PPP3CB: variants seen among roughly 807,000 people sequenced by gnomAD.
PPP3CB encodes the protein protein phosphatase 3 catalytic subunit beta.
PPP3CB carries 8 observed loss-of-function variants against 66.4 expected under a neutral mutation model. The ratio of observed to expected loss-of-function variants is 0.12; its 90% CI spans 0.07 to 0.22. PPP3CB has a LOEUF of 0.22. Among genes scored for constraint, PPP3CB ranks in the 10% least tolerant of loss-of-function variants. The pLI, the probability that PPP3CB is intolerant of heterozygous loss-of-function variation, is 1.00. For synonymous variants in PPP3CB, 208 were observed against 221.2 expected (o/e 0.94, Z 0.53); for missense variants, 319 against 642.5 (o/e 0.50, Z 5.44).
chr10:73,438,039 G>A lies in PPP3CB; in HGVS notation c.*203C>T. On this transcript the variant is annotated 3_prime_UTR_variant, in exon 14 of 14. Transcript: ENST00000360663. ...CCCTTGCTCACTGCTCTCCACCTTG[G>A]CAGCGATGACCCAATCTTATCAGAT... The A allele has an allele frequency of 2.1e-6, 1 of 483,214 alleles. No individual in the cohort carries two copies. The highest frequency in any genetic ancestry group is 4.6e-5 in the South Asian group (1 of 21,522). The allele number at this position is 483,214 out of a possible 1,614,324, so 29.9% of individuals were successfully genotyped here.
At chr10:73,471,286 C>T (rs2056698138) in intron 5 of PPP3CB, 77 bp from the exon 6 acceptor site, 1 of 1,434,002 alleles carries the variant, frequency 7.0e-7, no homozygotes, top group Admixed American at 2.1e-5. Flanking sequence ...AAAACGATAC[C>T]AACTTTGAAT....
chr10:73,452,522 C>T (rs1022647693), intron 10 of PPP3CB, among the ~76,000 whole-genome samples: 1 of 151,864 alleles, frequency 6.6e-6, no homozygotes, highest in Admixed American at 6.6e-5. Flanking sequence ...ATGGTGAAAC[C>T]CCATCTCTAC....
chr10:73,454,556 C>T (rs1428682589), intron 9 of PPP3CB, 67 bp from the exon 10 acceptor site: 14 of 1,013,538 alleles, frequency 1.4e-5, no homozygotes, highest in East Asian at 1.3e-4. Flanking sequence ...CACATAGCAA[C>T]TATTTTTACA....
intron 9 of PPP3CB, among the ~76,000 whole-genome samples, chr10:73,456,321 T>G (rs1207409775): frequency 6.6e-6 from 1 of 152,182 alleles, no homozygotes; most frequent in Non-Finnish European, 1.5e-5. Context: ...ATGGAAAACA[T>G]GCTGTAAGTG....
At chr10:73,451,742 CTT>C (rs765483729) in intron 10 of PPP3CB, among the ~76,000 whole-genome samples, 6 of 124,612 alleles carry the variant, frequency 4.8e-5, no homozygotes, top group Admixed American at 1.7e-4. Flanking sequence ...TCACTCATCT[CTT>C]TTTTTTTTTT....
At chr10:73,473,012 T>TA (rs933643954) in intron 4 of PPP3CB, among the ~76,000 whole-genome samples, 9 of 152,146 alleles carry the variant, frequency 5.9e-5, no homozygotes, top group Non-Finnish European at 1.0e-4. Context: ...ATTCAAATAT[T>TA]AAAAAAACTA....
At chr10:73,468,066 T>C (rs1404070328) in intron 8 of PPP3CB, among the ~76,000 whole-genome samples, 2 of 152,174 alleles carry the variant, frequency 1.3e-5, no homozygotes, top group Non-Finnish European at 2.9e-5. Context: ...TTCAAACAAA[T>C]TGAGAATTTA....
At chr10:73,494,836 C>T (rs983285246) in intron 1 of PPP3CB, among the ~76,000 whole-genome samples, 1 of 152,124 alleles carries the variant, frequency 6.6e-6, no homozygotes, top group Non-Finnish European at 1.5e-5. Context: ...GTTCATTCTA[C>T]GATTTCAATT....
intron 9 of PPP3CB, among the ~76,000 whole-genome samples, chr10:73,462,776 CCT>C (rs1388646703): frequency 4.6e-5 from 7 of 151,570 alleles, no homozygotes; most frequent in Admixed American, 2.0e-4. Context: ...ATGGCGAAAC[CCT>C]GTCTCTGCGA....
intron 9 of PPP3CB, among the ~76,000 whole-genome samples, chr10:73,462,404 G>A (rs1444456036): frequency 6.6e-6 from 1 of 151,798 alleles, no homozygotes; most frequent in Non-Finnish European, 1.5e-5. Context: ...GCAGACTAGG[G>A]ATATAAACGG....
intron 13 of PPP3CB, among the ~76,000 whole-genome samples, chr10:73,439,442 A>G (rs752681324): frequency 6.6e-6 from 1 of 152,216 alleles, no homozygotes; most frequent in South Asian, 2.1e-4. Context: ...GTTTGTAAAA[A>G]CAAACTCACA....
Position 73,438,419 on chromosome 10 carries a change from T to C in PPP3CB, c.1398A>G (p.Ala466=). 2 of 1,605,904 alleles carry C rather than the reference T, an allele frequency of 1.2e-6. No individual in the cohort carries two copies. The highest frequency in any genetic ancestry group is 1.7e-6 in the Non-Finnish European group (2 of 1,174,506). The part of the protein sequence containing the change: ...ATVEAIEAEK[A]IRGFSPPHRI... ...TATGTGGTGGAGAGAATCCTCGTATTGCTTAATAAAATGCAAATTTGATAA... is the reference window on the plus strand; with the variant it reads ...TATGTGGTGGAGAGAATCCTCGTATCGCTTAATAAAATGCAAATTTGATAA... Residue 466 remains alanine, a splice_region_variant and synonymous_variant, in exon 14 of 14, where the codon GCA becomes GCG. Coordinates refer to ENST00000360663, the MANE Select transcript of PPP3CB (RefSeq NM_021132.4).
chr10:73,495,846 G>A lies in PPP3CB; in HGVS notation c.44C>T (p.Pro15Leu), dbSNP rs1364461760. ...EPARAAPPPP[P>L]PPPPPPGADR... is the part of the protein sequence containing the mutation. ...AGCCCCGGGAGGGGGCGGCGGGGGC[G>A]GGGGTGGGGGCGGTGCAGCCCGGGC... is the stretch of plus-strand genomic sequence containing the variant. The change falls in exon 1 of 14, where the codon CCG becomes CTG. Residue 15 changes from proline (P) to leucine (L), a missense_variant. Pro to Leu is a moderately conservative substitution (Grantham distance 98, BLOSUM62 -3). Around this residue, in one of 5 missense-constraint regions of PPP3CB, gnomAD observed 104 missense variants for 128.4 expected, o/e 0.81. Transcript: ENST00000360663. The A allele has an allele frequency of 2.0e-6, 3 of 1,471,378 alleles. No individual in the cohort carries two copies. The highest frequency in any genetic ancestry group is 3.0e-5 in the African/African-American group (2 of 67,604). 91.1% of individuals were successfully genotyped at this position (1,471,378 alleles called of 1,614,324 possible).
rs1589713745 is a variant in PPP3CB, at chr10:73,481,363, T to A, written c.86-1846A>T. Among the ~76,000 whole-genome samples, 5 of 151,320 alleles carry A rather than the reference T, an allele frequency of 3.3e-5. No homozygotes were observed. In the South Asian group the frequency reaches 8.3e-4, roughly 25 times the overall value. On this transcript the variant is annotated intron_variant, in intron 1 of 13. Transcript: ENST00000360663. ...GGTGCACACCTGTAGTCCCAGCTAC[T>A]CAAGAGGGTGACGCAGGAGAATCAC...
intron 9 of PPP3CB, among the ~76,000 whole-genome samples, chr10:73,459,079 C>T (rs2132858331): frequency 6.6e-6 from 1 of 152,138 alleles, no homozygotes. Context: ...TCAAAAACAA[C>T]AACAACAATA....
At chr10:73,444,503 G>C in intron 12 of PPP3CB, 2 of 1,392,160 alleles carry the variant, frequency 1.4e-6, no homozygotes, top group African/African-American at 1.4e-5. Flanking sequence ...CTGAGGAACT[G>C]ACCATTATTT....
At chr10:73,443,114 G>C (rs1237614451) in intron 12 of PPP3CB, among the ~76,000 whole-genome samples, 4 of 151,806 alleles carry the variant, frequency 2.6e-5, no homozygotes, top group Non-Finnish European at 4.4e-5. Flanking sequence ...ATGGAGGACT[G>C]CTTGAGCCCA....
chr10:73,476,986 A>G (rs369001080), intron 3 of PPP3CB, among the ~76,000 whole-genome samples: 397 of 152,358 alleles, frequency 2.6e-3, no homozygotes, highest in African/African-American at 8.5e-3. Flanking sequence ...AGTAACCAAC[A>G]TAAATTCACC....
chr10:73,463,083 T>C (rs1331169100), intron 9 of PPP3CB, among the ~76,000 whole-genome samples: 1 of 151,822 alleles, frequency 6.6e-6, no homozygotes, highest in Admixed American at 6.6e-5. Flanking sequence ...CATTGGAGTG[T>C]GTTAATGGCA....
Sources: allele counts gnomAD v4.1 joint callset (sites outside exome capture counted in the v4.1 genomes callset), GRCh38; gene constraint gnomAD v4.1.1; regional missense constraint gnomAD v4.1.1; transcripts MANE v1.5; gene names NCBI Gene and HGNC (gene_info 2026-07-23, HGNC 2026-07-21).